SLC4A8: variants seen among roughly 807,000 people sequenced by gnomAD.
SLC4A8 encodes electroneutral sodium bicarbonate exchanger 1.
SLC4A8 carries 40 observed loss-of-function variants against 125.0 expected under a neutral mutation model. The ratio of observed to expected loss-of-function variants is 0.32; its 90% CI spans 0.25 to 0.42. The LOEUF is 0.42. Among genes scored for constraint, SLC4A8 ranks in the 10% least tolerant of loss-of-function variants. The probability of loss-of-function intolerance (pLI) is 1.00; values close to 1 mark genes in which losing one functional copy is unlikely to be tolerated. For synonymous variants in SLC4A8, 456 were observed against 476.0 expected, an observed-to-expected ratio of 0.96 and a Z score of 0.55; for missense variants, 863 against 1,355.1, an observed-to-expected ratio of 0.64 and a Z score of 5.70.
Position 51,453,530 on chromosome 12 carries a change from T to C in SLC4A8, c.414-9T>C, listed in dbSNP as rs1489084851. ...ATCTTTGGCATCTAGTTATTTGTAA[T>C]GCTTTCAGGTGGCTGAAGTTTGAAG... On this transcript the variant is annotated splice_polypyrimidine_tract_variant and intron_variant, in intron 4 of 24. Transcript: ENST00000453097. 1.9e-6 allele frequency: 3 copies of C among 1,611,280 alleles called. No individual in the cohort carries two copies. Among genetic ancestry groups the C allele is most frequent in the South Asian group, 1.1e-5 (1 of 90,752 alleles).
intron 1 of SLC4A8, among the ~76,000 whole-genome samples, chr12:51,417,658 C>T (rs1017753739): frequency 6.6e-6 from 1 of 152,222 alleles, no homozygotes; most frequent in Non-Finnish European, 1.5e-5. Context: ...GCTGGGACTA[C>T]AGGCATGCGC....
intron 2 of SLC4A8, among the ~76,000 whole-genome samples, chr12:51,448,775 C>T (rs1248260371): frequency 6.6e-6 from 1 of 152,128 alleles, no homozygotes; most frequent in Non-Finnish European, 1.5e-5. Context: ...GGTGTGGTGT[C>T]CCTAATGAGG....
chr12:51,439,488 AGATCATCATCTCTTT>A (rs1949525233), intron 1 of SLC4A8, among the ~76,000 whole-genome samples: 3 of 152,058 alleles, frequency 2.0e-5, no homozygotes, highest in Admixed American at 6.5e-5. Context: ...GAGATCAAAG[AGATCATCATCTCTTT>A]GATCATCATC....
At chr12:51,397,662 C>T (rs1019657642) in intron 1 of SLC4A8, among the ~76,000 whole-genome samples, 1 of 152,122 alleles carries the variant, frequency 6.6e-6, no homozygotes, top group African/African-American at 2.4e-5. Context: ...ATGATATAGT[C>T]TGCTCTTTTT....
chr12:51,416,219 T>TTTTG (rs992962629), intron 1 of SLC4A8, among the ~76,000 whole-genome samples: 11 of 149,658 alleles, frequency 7.4e-5, no homozygotes, highest in Non-Finnish European at 1.5e-4. Context: ...TTGTTTTTTT[T>TTTTG]TTTTTTTTTT....
intron 1 of SLC4A8, among the ~76,000 whole-genome samples, chr12:51,426,822 C>T (rs1948997791): frequency 6.6e-6 from 1 of 151,362 alleles, no homozygotes; most frequent in Non-Finnish European, 1.5e-5. Flanking sequence ...GGGGAAGCCA[C>T]TGAAGGGGTT....
At position 51,511,398 on chromosome 12, in the gene SLC4A8, T is replaced by C. The variant is rs1436188092; in HGVS notation, c.*3960T>C. 1.3e-5 allele frequency: 2 copies of C among 152,152 alleles called. No homozygotes were observed. The highest frequency in any genetic ancestry group is 2.4e-5 in the African/African-American group (1 of 41,404). The allele number at this position is 152,152 out of a possible 1,614,324, so 9.4% of individuals were successfully genotyped here. ...AAAATGAGTGTGGAGTCATAATATA[T>C]ATTTTTTTTGAGACAAAGTCTCACT... is the stretch of plus-strand genomic sequence containing the variant. On this transcript the variant is annotated 3_prime_UTR_variant, in exon 25 of 25. Coordinates refer to ENST00000453097, the MANE Select transcript of SLC4A8 (RefSeq NM_001039960.3).
chr12:51,455,295 AAG>A (rs1950108350), intron 5 of SLC4A8, among the ~76,000 whole-genome samples: 1 of 152,078 alleles, frequency 6.6e-6, no homozygotes, highest in Admixed American at 6.5e-5. Context: ...AAGTAAAAGA[AAG>A]AAACGGTTCC....
intron 8 of SLC4A8, 150 bp from the exon 9 acceptor site, chr12:51,461,053 TG>T (rs1471528934): frequency 2.0e-5 from 10 of 488,074 alleles, no homozygotes; most frequent in Non-Finnish European, 3.3e-5. Context: ...CAACTCAAAG[TG>T]CTCCTTCATT....
Position 51,445,331 on chromosome 12 carries a change from G to A in SLC4A8, c.130+4542G>A, listed in dbSNP as rs974321403. Among the ~76,000 whole-genome samples, 4 of 152,028 alleles carry A rather than the reference G, an allele frequency of 2.6e-5. No individual in the cohort carries two copies. The East Asian group carries it at 5.8e-4, about 22-fold the overall frequency. On this transcript the variant is annotated intron_variant, in intron 2 of 24. Coordinates refer to ENST00000453097, the MANE Select transcript of SLC4A8 (RefSeq NM_001039960.3). Reference sequence around the variant, plus strand: ...CTACAGGCATGCACCACCATGCCTGGCTAATTTTTTATTTTTTATAGAGGT... The same window carrying A: ...CTACAGGCATGCACCACCATGCCTGACTAATTTTTTATTTTTTATAGAGGT...
chr12:51,482,617 T>G (rs1028220844), intron 16 of SLC4A8, among the ~76,000 whole-genome samples: 1 of 152,162 alleles, frequency 6.6e-6, no homozygotes, highest in African/African-American at 2.4e-5. Flanking sequence ...TGACCTCAAG[T>G]GATCCACCCA....
intron 17 of SLC4A8, among the ~76,000 whole-genome samples, chr12:51,488,100 G>T (rs182818180): frequency 4.6e-5 from 7 of 152,360 alleles, no homozygotes; most frequent in Admixed American, 2.6e-4. Context: ...TATTTCACAA[G>T]AAATTAATAA....
At chr12:51,402,377 A>C (rs1002753720) in intron 1 of SLC4A8, among the ~76,000 whole-genome samples, 1 of 152,174 alleles carries the variant, frequency 6.6e-6, no homozygotes, top group Non-Finnish European at 1.5e-5. Flanking sequence ...CTATGGTGTT[A>C]TCCTGTCCTG....
At chr12:51,443,236 C>G (rs1949657081) in intron 2 of SLC4A8, among the ~76,000 whole-genome samples, 1 of 152,148 alleles carries the variant, frequency 6.6e-6, no homozygotes, top group Admixed American at 6.5e-5. Flanking sequence ...ATCCTCCCAC[C>G]CCAGCCTCCC....
chr12:51,497,215 C>T (rs985024409), intron 22 of SLC4A8, 91 bp downstream of exon 22: 14 of 1,342,962 alleles, frequency 1.0e-5, no homozygotes, highest in African/African-American at 4.5e-5. Context: ...TCTGGAATCC[C>T]GAGGGTTATA....
intron 11 of SLC4A8, among the ~76,000 whole-genome samples, chr12:51,466,246 T>G (rs1950511535): frequency 1.3e-5 from 2 of 151,942 alleles, no homozygotes; most frequent in Non-Finnish European, 2.9e-5. Flanking sequence ...ATGACTAGAG[T>G]GTTCCTAGGC....
chr12:51,467,764 C>T (rs899850812), intron 11 of SLC4A8, among the ~76,000 whole-genome samples: 9 of 151,994 alleles, frequency 5.9e-5, no homozygotes, highest in Non-Finnish European at 1.0e-4. Flanking sequence ...TCATCTATTT[C>T]TTCTCACTTA....
At chr12:51,429,189 G>A (rs1202784199) in intron 1 of SLC4A8, among the ~76,000 whole-genome samples, 1 of 152,210 alleles carries the variant, frequency 6.6e-6, no homozygotes, top group Non-Finnish European at 1.5e-5. Context: ...TGGGATTACA[G>A]GCATGAGCTA....
In SLC4A8 at chr12:51,433,870, TTTTTTTTTGGTTG is replaced by T. The variant is rs1411735995; in HGVS notation, c.49-6837_49-6825del. 6.6e-4 allele frequency among the ~76,000 whole-genome samples: 30 copies of T among 45,148 alleles called. 1 individual carries two copies. Among genetic ancestry groups the T allele is most frequent in the East Asian group, 5.7e-3 (13 of 2,278 alleles). The allele number at this position is 45,148 out of a possible 152,430, so 29.6% of individuals were successfully genotyped here. A position where few individuals can be genotyped will look rare whatever the true frequency, so the allele number is the denominator to read the frequency against. Reference sequence around the variant, plus strand: ...CCATCTGTTTTTTTTTTTTTTTTTTTTTTTTTTTGGTTGGTTTTTTTTTGAGACAGGGTCTTTC... The same window carrying T: ...CCATCTGTTTTTTTTTTTTTTTTTTTGTTTTTTTTTGAGACAGGGTCTTTC... On this transcript the variant is annotated intron_variant, in intron 1 of 24. Coordinates refer to ENST00000453097, the MANE Select transcript of SLC4A8 (RefSeq NM_001039960.3).
Sources: gnomAD v4.1 joint callset for allele counts (sites outside exome capture counted in the v4.1 genomes callset) on GRCh38, gnomAD v4.1.1 for gene constraint, MANE v1.5 for transcripts, NCBI Gene and HGNC (gene_info 2026-07-23, HGNC 2026-07-21) for gene names.